The following ESPNL variants were observed in gnomAD, a reference collection of about 807,000 sequenced individuals.
ESPNL encodes espin like, also known as espin-like protein.
A neutral mutation model predicts 46.8 loss-of-function variants in ESPNL; 49 were observed. The ratio of observed to expected loss-of-function variants is 1.05; its 90% CI spans 0.83 to 1.33. The LOEUF is 1.33. Ranked by LOEUF, ESPNL falls within the 40% of genes most tolerant of loss-of-function variation. The pLI, the probability that ESPNL is intolerant of heterozygous loss-of-function variation, is 0.00. For missense variants in ESPNL, 1,540 were observed against 1,436.6 expected, an observed-to-expected ratio of 1.07 and a Z score of -1.16; for synonymous variants, 664 against 662.1, an observed-to-expected ratio of 1.00 and a Z score of -0.04.
chr2:238,127,314 G>A (rs1692160870), intron 6 of ESPNL: 5 of 1,179,554 alleles, frequency 4.2e-6, no homozygotes, highest in South Asian at 3.1e-5. Context: ...TTTGGGGCCT[G>A]CAGAGCTGCG....
chr2:238,100,716 G>A lies in ESPNL; in HGVS notation c.294+3G>A, dbSNP rs754803977. The A allele has an allele frequency of 7.2e-5, 102 of 1,413,714 alleles. No individual in the cohort carries two copies. Among genetic ancestry groups the A allele is most frequent in the Non-Finnish European group, 9.1e-5 (100 of 1,093,800 alleles). The allele number at this position is 1,413,714 out of a possible 1,614,324, so 87.6% of individuals were successfully genotyped here. On this transcript the variant is annotated splice_donor_region_variant and intron_variant, in intron 1 of 8. Transcript: ENST00000343063. ...GCGAGGGGGGCTGCGGTCTGCAGGT[G>A]AGCGGGGATGGGGCAGCCTGGCTCC...
chr2:238,118,725 G>A (rs1401066673), intron 5 of ESPNL, among the ~76,000 whole-genome samples: 1 of 130,398 alleles, frequency 7.7e-6, no homozygotes, highest in African/African-American at 3.0e-5. Context: ...GAGGAGGAAT[G>A]GATGGAGGAG....
Position 238,131,425 on chromosome 2 carries a change from T to A in ESPNL, c.2711T>A (p.Val904Glu). ...GCTGTGCGCGCCTTCCACAAGGCCG[T>A]GACCGACGAGGTGGCCGCCGGCCGC... is the stretch of plus-strand genomic sequence containing the variant. ...WEAVRAFHKA[V>E]TDEVAAGRRA... The change falls in exon 9 of 9, where the codon GTG becomes GAG. Residue 904 changes from valine to glutamate, a missense_variant. Coordinates refer to ENST00000343063, the MANE Select transcript of ESPNL (RefSeq NM_194312.4). The A allele has an allele frequency of 6.2e-7, 1 of 1,608,950 alleles. No homozygotes were observed. The highest frequency in any genetic ancestry group is 8.5e-7 in the Non-Finnish European group (1 of 1,178,152).
In ESPNL at chr2:238,100,579, T is replaced by C; in HGVS notation, c.160T>C (p.Phe54Leu). The C allele has an allele frequency of 1.9e-6, 3 of 1,572,226 alleles. No individual in the cohort carries two copies. The highest frequency in any genetic ancestry group is 2.6e-6 in the Non-Finnish European group (3 of 1,161,306). Residue 54 changes from phenylalanine to leucine, a missense_variant, in exon 1 of 9, where the codon TTC (phenylalanine) becomes CTC (leucine). Physicochemically the swap from Phe to Leu is conservative, Grantham distance 22. Transcript: ENST00000343063. ...TRAGHLDCVK[F>L]LVQRAQLPGN... ...GGCTGGCCACCTGGACTGCGTCAAG[T>C]TCTTGGTGCAGCGGGCCCAGCTGCC...
intron 7 of ESPNL, 75 bp from the exon 8 acceptor site, chr2:238,128,632 C>A (rs72989009): frequency 0.28 from 407,085 of 1,445,336 alleles, 62,427 homozygotes; most frequent in Non-Finnish European, 0.31. Context: ...CAACCCCCCA[C>A]GTCCTCTCGG....
chr2:238,110,801 G>T (rs2106467567), intron 4 of ESPNL, among the ~76,000 whole-genome samples: 1 of 148,760 alleles, frequency 6.7e-6, no homozygotes, highest in East Asian at 2.0e-4. Context: ...TAATTATCAA[G>T]TCTCCTCAGA....
chr2:238,118,876 A>G (rs1332263150), intron 5 of ESPNL, among the ~76,000 whole-genome samples: 2 of 130,932 alleles, frequency 1.5e-5, no homozygotes, highest in East Asian at 5.3e-4. Flanking sequence ...CGGATGGAGG[A>G]GAAATGGATG....
intron 1 of ESPNL, 69 bp downstream of exon 1, chr2:238,100,782 G>A (rs546532553): frequency 1.5e-5 from 20 of 1,341,816 alleles, no homozygotes; most frequent in African/African-American, 1.1e-4. Context: ...TGTGAGCCAC[G>A]GAGGATCAGA....
rs144639872 is a variant in ESPNL at position 238,102,038 on chromosome 2, C to T, written c.392C>T (p.Thr131Met). 2.1e-5 allele frequency: 34 copies of T among 1,604,492 alleles called. No individual in the cohort carries two copies. Among genetic ancestry groups the T allele is most frequent in the African/African-American group, 4.0e-5 (3 of 74,754 alleles). Residue 131 changes from threonine (T) to methionine (M), a missense_variant, in exon 2 of 9, where the codon ACG becomes ATG. Coordinates refer to ENST00000343063, the MANE Select transcript of ESPNL (RefSeq NM_194312.4). ...EWLLHEGHSA[T>M]LETREGARPL... ...CTGCTCCACGAGGGCCACTCGGCCA[C>T]GCTAGAGACCCGGGAGGGAGCCCGG...
rs1281940233 is a variant in ESPNL at position 238,130,993 on chromosome 2, C to A, written c.2279C>A (p.Thr760Lys). 12 of 1,546,778 alleles carry A rather than the reference C, an allele frequency of 7.8e-6. No homozygotes were observed. The highest frequency in any genetic ancestry group is 1.0e-5 in the Non-Finnish European group (12 of 1,146,506). The change falls in exon 9 of 9, where the codon ACA (threonine) becomes AAA (lysine). Residue 760 changes from threonine to lysine, a missense_variant. Transcript: ENST00000343063. ...RRSAYTPALK[T>K]VACRTLGARH... Reference sequence around the variant, plus strand: ...TCGGCCTACACGCCGGCCCTCAAGACAGTGGCCTGCAGGACCCTAGGAGCC... The same window carrying A: ...TCGGCCTACACGCCGGCCCTCAAGAAAGTGGCCTGCAGGACCCTAGGAGCC...
chr2:238,123,662 G>A (rs1692036041), intron 5 of ESPNL, among the ~76,000 whole-genome samples: 1 of 152,304 alleles, frequency 6.6e-6, no homozygotes, highest in South Asian at 2.1e-4. Context: ...ACTCCTGGGG[G>A]CGGCAGCCTC....
intron 8 of ESPNL, among the ~76,000 whole-genome samples, chr2:238,129,541 G>A (rs1692233040): frequency 1.3e-5 from 2 of 152,196 alleles, no homozygotes; most frequent in Non-Finnish European, 2.9e-5. Flanking sequence ...TGAGGCCGTG[G>A]GGAGCCACTG....
At position 238,100,594 on chromosome 2, in the gene ESPNL, G is replaced by A. The variant is rs1230309990; in HGVS notation, c.175G>A (p.Ala59Thr). ...LDCVKFLVQR[A>T]QLPGNQRAHN... ...CTGCGTCAAGTTCTTGGTGCAGCGG[G>A]CCCAGCTGCCCGGCAACCAGCGGGC... The change falls in exon 1 of 9, where the codon GCC (alanine) becomes ACC (threonine). Residue 59 changes from alanine to threonine, a missense_variant. Coordinates refer to ENST00000343063, the MANE Select transcript of ESPNL (RefSeq NM_194312.4). The A allele has an allele frequency of 2.0e-6, 3 of 1,530,178 alleles. No homozygotes were observed. The highest frequency in any genetic ancestry group is 1.3e-5 in the South Asian group (1 of 79,948). The allele number at this position is 1,530,178 out of a possible 1,614,324, so 94.8% of individuals were successfully genotyped here. A position where few individuals can be genotyped will look rare whatever the true frequency, so the allele number is the denominator to read the frequency against.
Position 238,107,817 on chromosome 2 carries a change from G to C in ESPNL, c.699G>C (p.Thr233=), listed in dbSNP as rs576179666. Residue 233 remains threonine (T), a synonymous_variant, in exon 4 of 9, where the codon ACG becomes ACC. Transcript: ENST00000343063. ...TCACATTCACCGACATCGGACTCAC[G>C]GCACGGGACAATGAGGGGGCCACGG... ...WLVTFTDIGL[T]ARDNEGATAL... 3.0e-5 allele frequency: 48 copies of C among 1,602,114 alleles called. 1 individual carries two copies. In the African/African-American group the frequency reaches 4.9e-4, roughly 17 times the overall value.
chr2:238,110,866 G>A (rs1214006131), intron 4 of ESPNL, among the ~76,000 whole-genome samples: 3 of 151,804 alleles, frequency 2.0e-5, no homozygotes, highest in Non-Finnish European at 2.9e-5. Context: ...TCAAAACAAT[G>A]AGTTGATCCT....
chr2:238,117,021 A>T lies in ESPNL; in HGVS notation c.974A>T (p.Glu325Val). ...CGGGACTGCGCCCAGTACCTGCGGG[A>T]GGTGGCCCAGCCGGTAAGGCTCAGG... ...GHRDCAQYLR[E>V]VAQPVPLLMT... Residue 325 changes from glutamate to valine, a missense_variant, in exon 5 of 9, where the codon GAG becomes GTG. Transcript: ENST00000343063. 6.2e-7 allele frequency: 1 copy of T among 1,610,754 alleles called. No individual in the cohort carries two copies. Among genetic ancestry groups the T allele is most frequent in the Non-Finnish European group, 8.5e-7 (1 of 1,179,132 alleles).
chr2:238,121,901 C>T (rs1456557336), intron 5 of ESPNL, among the ~76,000 whole-genome samples: 2 of 152,246 alleles, frequency 1.3e-5, no homozygotes, highest in South Asian at 2.1e-4. Flanking sequence ...AAGGGTGGCA[C>T]CCACACAGCC....
intron 7 of ESPNL, 29 bp from the exon 8 acceptor site, chr2:238,128,678 G>T: frequency 6.4e-7 from 1 of 1,570,336 alleles, no homozygotes; most frequent in South Asian, 1.2e-5. Context: ...TCCCCTTCGG[G>T]CCTGTGTGAC....
chr2:238,125,417 G>A, intron 6 of ESPNL, 33 bp downstream of exon 6: 1 of 1,318,504 alleles, frequency 7.6e-7, no homozygotes, highest in Non-Finnish European at 1.0e-6. Flanking sequence ...GCCACCCAGG[G>A]CATGGGCCTG....
Sources: gnomAD v4.1 joint callset for allele counts (sites outside exome capture counted in the v4.1 genomes callset) on GRCh38, gnomAD v4.1.1 for gene constraint, MANE v1.5 for transcripts, NCBI Gene and HGNC (gene_info 2026-07-23, HGNC 2026-07-21) for gene names.